Variants in ATP9B observed in about 807,000 individuals in gnomAD.
The protein encoded by ATP9B is probable phospholipid-transporting ATPase IIB.
ATP9B carries 110 observed loss-of-function variants against 146.1 expected under a neutral mutation model. The observed-to-expected ratio is 0.75, with a 90% CI of 0.65 to 0.88. ATP9B has a LOEUF of 0.88. Ranked by LOEUF, ATP9B falls within the 40% of genes least tolerant of loss-of-function variation. The pLI is 0.00. For synonymous variants in ATP9B, 604 were observed against 569.7 expected (o/e 1.06, Z -0.86); for missense variants, 1,499 against 1,496.4 (o/e 1.00, Z -0.03).
chr18:79,360,267 C>T (rs552136583), intron 26 of ATP9B: 1 of 152,308 alleles, frequency 6.6e-6, no homozygotes, highest in South Asian at 2.1e-4. Context: ...AATCCACTAA[C>T]CGCAATTAAA....
intron 26 of ATP9B, among the ~76,000 whole-genome samples, chr18:79,372,039 CCT>C (rs1393792691): frequency 1.3e-5 from 2 of 152,218 alleles, no homozygotes; most frequent in Admixed American, 6.5e-5. Flanking sequence ...AAAGACAGGG[CCT>C]CTCAACACGT....
intron 9 of ATP9B, among the ~76,000 whole-genome samples, chr18:79,197,265 A>G (rs912451770): frequency 2.0e-5 from 3 of 152,182 alleles, no homozygotes; most frequent in South Asian, 2.1e-4. Flanking sequence ...GAGAATTTCT[A>G]TAAAATATTG....
At chr18:79,137,749 C>G (rs758087839) in intron 5 of ATP9B, among the ~76,000 whole-genome samples, 3 of 152,246 alleles carry the variant, frequency 2.0e-5, no homozygotes, top group Non-Finnish European at 4.4e-5. Flanking sequence ...TTCCTGACTC[C>G]TGGCTCCAAT....
intron 15 of ATP9B, among the ~76,000 whole-genome samples, chr18:79,314,679 T>C (rs1165056410): frequency 6.6e-6 from 1 of 152,210 alleles, no homozygotes; most frequent in Non-Finnish European, 1.5e-5. Flanking sequence ...TCTAAGAGAG[T>C]AGAAAGTTCT....
At chr18:79,207,144 G>A (rs954836385) in intron 10 of ATP9B, 132 bp downstream of exon 10, 11 of 796,650 alleles carry the variant, frequency 1.4e-5, no homozygotes, top group East Asian at 1.3e-4. Context: ...GCAGACTCCA[G>A]CTCAGTGGGT....
intron 13 of ATP9B, among the ~76,000 whole-genome samples, chr18:79,282,291 C>T (rs971508945): frequency 5.3e-5 from 8 of 152,170 alleles, no homozygotes; most frequent in African/African-American, 1.2e-4. Context: ...CTGAGAGCAT[C>T]GACTTCAGTT....
At chr18:79,245,924 CG>C (rs2095952068) in intron 11 of ATP9B, among the ~76,000 whole-genome samples, 4 of 76,432 alleles carry the variant, frequency 5.2e-5, no homozygotes, top group Admixed American at 2.4e-4. Context: ...ACTGACTGTG[CG>C]GAGGGCACCA....
chr18:79,217,554 T>C (rs2095639446), intron 11 of ATP9B, among the ~76,000 whole-genome samples: 1 of 152,248 alleles, frequency 6.6e-6, no homozygotes, highest in Non-Finnish European at 1.5e-5. Flanking sequence ...TAAATATTTC[T>C]GAGTGTTAAA....
intron 15 of ATP9B, among the ~76,000 whole-genome samples, chr18:79,311,328 G>T (rs1180277323): frequency 6.6e-6 from 1 of 152,080 alleles, no homozygotes; most frequent in Non-Finnish European, 1.5e-5. Flanking sequence ...AGGATGTGAG[G>T]CCCTCCTCCA....
intron 1 of ATP9B, among the ~76,000 whole-genome samples, chr18:79,072,548 T>G (rs1305982686): frequency 6.6e-6 from 1 of 150,472 alleles, no homozygotes; most frequent in Non-Finnish European, 1.5e-5. Context: ...TATGTCTACT[T>G]CTTTCTACAC....
chr18:79,129,125 C>T (rs1025555184), intron 5 of ATP9B, among the ~76,000 whole-genome samples: 29 of 152,242 alleles, frequency 1.9e-4, no homozygotes, highest in African/African-American at 4.6e-4. Flanking sequence ...AGAAATGTAG[C>T]GCCATTTCTC....
chr18:79,303,504 T>G (rs2096604643), intron 13 of ATP9B, 100 bp from the exon 14 acceptor site: 1 of 865,250 alleles, frequency 1.2e-6, no homozygotes, highest in African/African-American at 1.7e-5. Context: ...TCCCAGCTGC[T>G]TCAGCCCATG....
rs1343811154 is a variant in ATP9B at position 79,372,892 on chromosome 18, G to A, written c.3070+10G>A. 7 of 1,591,512 alleles carry A rather than the reference G, an allele frequency of 4.4e-6. No homozygotes were observed. Among genetic ancestry groups the A allele is most frequent in the Non-Finnish European group, 3.4e-6 (4 of 1,160,220 alleles). The stretch of plus-strand genomic sequence containing the variant: ...ATAAGTATTTACCAAGGTAAGACGA[G>A]ATCCTTAGTTTACTGGACTAAAGAT... On this transcript the variant is annotated intron_variant, in intron 27 of 29. Coordinates refer to ENST00000426216, the MANE Select transcript of ATP9B (RefSeq NM_198531.5).
intron 23 of ATP9B, among the ~76,000 whole-genome samples, chr18:79,346,353 C>T (rs1411015752): frequency 1.3e-5 from 2 of 151,672 alleles, no homozygotes; most frequent in Non-Finnish European, 2.9e-5. Flanking sequence ...GGTCAGTGCA[C>T]GTCAGCACAT....
chr18:79,118,643 G>A (rs1026161184), intron 4 of ATP9B, among the ~76,000 whole-genome samples: 3 of 151,598 alleles, frequency 2.0e-5, no homozygotes, highest in Admixed American at 6.6e-5. Flanking sequence ...CTCGTGATCC[G>A]TCCGCCTCAG....
chr18:79,326,959 C>T (rs920603573), intron 15 of ATP9B, among the ~76,000 whole-genome samples: 1 of 152,166 alleles, frequency 6.6e-6, no homozygotes, highest in Non-Finnish European at 1.5e-5. Context: ...TCGGCACGGC[C>T]ATTCTGTAGA....
chr18:79,275,668 G>C (rs556390749), intron 12 of ATP9B, among the ~76,000 whole-genome samples: 1 of 152,364 alleles, frequency 6.6e-6, no homozygotes, highest in African/African-American at 2.4e-5. Context: ...AGCACTCCTC[G>C]CCAGGGAGCT....
intron 11 of ATP9B, among the ~76,000 whole-genome samples, chr18:79,243,659 A>C (rs750320342): frequency 1.2e-4 from 18 of 152,214 alleles, no homozygotes; most frequent in African/African-American, 1.7e-4. Context: ...AAACATGCTG[A>C]AGTCAGCTGG....
chr18:79,354,641 G>A (rs1334469403), intron 25 of ATP9B: 3 of 137,770 alleles, frequency 2.2e-5, no homozygotes, highest in African/African-American at 9.1e-5. Flanking sequence ...GACGGTGGGA[G>A]GTGAGGTAGA....
Sources: allele counts gnomAD v4.1 joint callset (sites outside exome capture counted in the v4.1 genomes callset), GRCh38; gene constraint gnomAD v4.1.1; transcripts MANE v1.5; gene names NCBI Gene and HGNC (gene_info 2026-07-23, HGNC 2026-07-21).